The following PARD3 variants were observed in gnomAD, a reference collection of about 807,000 sequenced individuals.
PARD3 encodes the protein par-3 family cell polarity regulator, also known as partitioning defective 3 homolog.
PARD3 carries 75 observed loss-of-function variants against 155.4 expected under a neutral mutation model. That is an observed-to-expected ratio of 0.48 (90% CI 0.40 to 0.58). The LOEUF (loss-of-function observed/expected upper bound fraction) is 0.58. Ranked by LOEUF, PARD3 falls within the 20% of genes least tolerant of loss-of-function variation. The pLI is 0.00. For synonymous variants in PARD3, 576 were observed against 610.5 expected (o/e 0.94, Z 0.83); for missense variants, 1,642 against 1,721.7 (o/e 0.95, Z 0.82).
chr10:34,159,247 G>A (rs949750553), intron 22 of PARD3, among the ~76,000 whole-genome samples: 3 of 152,196 alleles, frequency 2.0e-5, no homozygotes, highest in Non-Finnish European at 4.4e-5. Context: ...TAAAGACCTG[G>A]AGGAGGTTAT....
At chr10:34,344,893 C>T in intron 15 of PARD3, 1 of 985,296 alleles carries the variant, frequency 1.0e-6, no homozygotes, top group Middle Eastern at 5.2e-4. Context: ...CAACTTCTGT[C>T]AAGTTAATTA....
chr10:34,229,473 T>A (rs1349872649), intron 22 of PARD3, among the ~76,000 whole-genome samples: 1 of 152,044 alleles, frequency 6.6e-6, no homozygotes, highest in Non-Finnish European at 1.5e-5. Flanking sequence ...GTCTCTGAAC[T>A]TCTGACATTG....
intron 1 of PARD3, among the ~76,000 whole-genome samples, chr10:34,756,717 G>T (rs1273104825): frequency 1.3e-5 from 2 of 152,004 alleles, no homozygotes; most frequent in Non-Finnish European, 2.9e-5. Context: ...GCCTCCTTAA[G>T]TCTGGGATTA....
intron 2 of PARD3, among the ~76,000 whole-genome samples, chr10:34,601,194 G>A (rs2089744834): frequency 2.0e-5 from 3 of 150,474 alleles, no homozygotes; most frequent in South Asian, 4.3e-4. Context: ...GCAAAGGCAG[G>A]AGAAGGATCA....
chr10:34,226,750 G>T (rs1396932076), intron 22 of PARD3, among the ~76,000 whole-genome samples: 1 of 152,112 alleles, frequency 6.6e-6, no homozygotes, highest in Non-Finnish European at 1.5e-5. Flanking sequence ...AGAAAAACTT[G>T]TATGCACAAG....
intron 2 of PARD3, among the ~76,000 whole-genome samples, chr10:34,662,600 C>T (rs1336394185): frequency 1.3e-5 from 2 of 152,160 alleles, no homozygotes; most frequent in Non-Finnish European, 2.9e-5. Flanking sequence ...CAGCCAGGTG[C>T]GATGGCTCGC....
intron 2 of PARD3, among the ~76,000 whole-genome samples, chr10:34,662,471 C>G (rs983516809): frequency 1.3e-5 from 2 of 152,178 alleles, no homozygotes; most frequent in African/African-American, 4.8e-5. Context: ...CATTGCAGCA[C>G]TATTCACAAT....
chr10:34,187,495 A>G lies in PARD3; in HGVS notation c.3420-55912T>C, dbSNP rs116693929. The stretch of plus-strand genomic sequence containing the variant: ...TCTGCATCTCCTCTCACAGGGGGGA[A>G]AAATCAAACCACAATATTCATCAAG... On this transcript the variant is annotated intron_variant, in intron 22 of 24. Coordinates refer to ENST00000374788, the MANE Select transcript of PARD3 (RefSeq NM_001184785.2). Among the ~76,000 whole-genome samples, 708 of 152,330 alleles carry G rather than the reference A, an allele frequency of 4.6e-3. 8 individuals carry two copies. The highest frequency in any genetic ancestry group is 0.016 in the African/African-American group (654 of 41,570).
chr10:34,143,071 C>T (rs983720665), intron 22 of PARD3, among the ~76,000 whole-genome samples: 2 of 152,146 alleles, frequency 1.3e-5, no homozygotes, highest in African/African-American at 4.8e-5. Flanking sequence ...CCTGTAATCC[C>T]AGCACTTTGG....
In PARD3 at chr10:34,480,835, C is replaced by T. The variant is rs1490395522; in HGVS notation, c.404-10572G>A. The stretch of plus-strand genomic sequence containing the variant: ...TTTTCTTTTTTGAGACGGAGTCTTG[C>T]TCTGTCACCAGCCTGGAGTGCAGTG... On this transcript the variant is annotated intron_variant, in intron 3 of 24. Coordinates refer to ENST00000374788, the MANE Select transcript of PARD3 (RefSeq NM_001184785.2). 2.3e-5 allele frequency among the ~76,000 whole-genome samples: 3 copies of T among 131,050 alleles called. No individual in the cohort carries two copies. The East Asian group carries it at 6.5e-4, about 28-fold the overall frequency. The allele number at this position is 131,050 out of a possible 152,430, so 86.0% of individuals were successfully genotyped here.
In PARD3 at chr10:34,111,053, CCAA is replaced by C; in HGVS notation, c.*113_*115del. ...CCTACACCGCTTAAAGGCACTGATA[CCAA>C]CAACAGAAATACTCCATAGTACCAT... On this transcript the variant is annotated 3_prime_UTR_variant, in exon 25 of 25. Transcript: ENST00000374788. 1 of 1,177,686 alleles carries C rather than the reference CCAA, an allele frequency of 8.5e-7. No individual in the cohort carries two copies. Among genetic ancestry groups the C allele is most frequent in the East Asian group, 2.4e-5 (1 of 42,152 alleles). 73.0% of individuals were successfully genotyped at this position (1,177,686 alleles called of 1,614,324 possible). A position where few individuals can be genotyped will look rare whatever the true frequency, so the allele number is the denominator to read the frequency against.
At chr10:34,568,723 A>G (rs1311936070) in intron 2 of PARD3, among the ~76,000 whole-genome samples, 3 of 152,214 alleles carry the variant, frequency 2.0e-5, no homozygotes, top group Non-Finnish European at 4.4e-5. Flanking sequence ...GAAGAGCTAA[A>G]GTCCTGCTCC....
chr10:34,665,059 G>A (rs1372418717), intron 2 of PARD3, among the ~76,000 whole-genome samples: 4 of 151,732 alleles, frequency 2.6e-5, no homozygotes, highest in African/African-American at 9.7e-5. Flanking sequence ...ACTGAATAGA[G>A]GCAATATAAG....
chr10:34,201,619 A>C (rs903630020), intron 22 of PARD3, among the ~76,000 whole-genome samples: 1 of 152,192 alleles, frequency 6.6e-6, no homozygotes, highest in Non-Finnish European at 1.5e-5. Context: ...TTAAATTAAC[A>C]TACAGTAAAA....
In PARD3 at chr10:34,331,258, T is replaced by C; in HGVS notation, c.2692A>G (p.Thr898Ala). ...TGGAAAGGAATATCCCCATTCAAAGTCACCTCGGCAACTGCGGTCTGCAGA... is the reference window on the plus strand; with the variant it reads ...TGGAAAGGAATATCCCCATTCAAAGCCACCTCGGCAACTGCGGTCTGCAGA... ...ESLQTAVAEV[T>A]LNGDIPFHRP... The change falls in exon 19 of 25, where the codon ACT becomes GCT. Residue 898 changes from threonine (T) to alanine (A), a missense_variant. By Grantham distance (58) the Thr-to-Ala change is moderately conservative. This residue lies in a region of PARD3 where 1,529 missense variants were observed against 1,587.3 expected (regional missense o/e 0.96). Transcript: ENST00000374788. 6.2e-7 allele frequency: 1 copy of C among 1,613,936 alleles called. No homozygotes were observed. Among genetic ancestry groups the C allele is most frequent in the Admixed American group, 1.7e-5 (1 of 59,986 alleles).
intron 2 of PARD3, among the ~76,000 whole-genome samples, chr10:34,636,643 T>C (rs969216975): frequency 1.3e-5 from 2 of 152,212 alleles, no homozygotes; most frequent in Non-Finnish European, 2.9e-5. Flanking sequence ...AGCCTAATGT[T>C]GTCACCCAAT....
intron 2 of PARD3, among the ~76,000 whole-genome samples, chr10:34,650,914 G>A (rs2092990508): frequency 6.7e-6 from 1 of 150,160 alleles, no homozygotes; most frequent in Admixed American, 6.7e-5. Flanking sequence ...GGGAGGCTGA[G>A]GCAGGAAAAT....
intron 22 of PARD3, among the ~76,000 whole-genome samples, chr10:34,198,072 T>G (rs1798204732): frequency 6.6e-6 from 1 of 152,212 alleles, no homozygotes; most frequent in South Asian, 2.1e-4. Flanking sequence ...AAAATGGTTT[T>G]CGGACCTTGC....
chr10:34,578,532 G>A (rs1267264314), intron 2 of PARD3, among the ~76,000 whole-genome samples: 1 of 152,212 alleles, frequency 6.6e-6, no homozygotes, highest in African/African-American at 2.4e-5. Flanking sequence ...CATAGTATAT[G>A]CCAAGCACCA....
Sources: allele counts gnomAD v4.1 joint callset (sites outside exome capture counted in the v4.1 genomes callset), GRCh38; gene constraint gnomAD v4.1.1; regional missense constraint gnomAD v4.1.1; transcripts MANE v1.5; gene names NCBI Gene and HGNC (gene_info 2026-07-23, HGNC 2026-07-21).